Variants in WDR70 observed in about 807,000 individuals in gnomAD.
WDR70 encodes WD repeat domain 70.
A neutral mutation model predicts 88.6 loss-of-function variants in WDR70; 53 were observed. The ratio of observed to expected loss-of-function variants is 0.60; its 90% CI spans 0.48 to 0.75. The LOEUF (loss-of-function observed/expected upper bound fraction) is 0.75, where lower values mean the gene tolerates loss of function less well. Among genes scored for constraint, WDR70 ranks in the 30% least tolerant of loss-of-function variants. The pLI is 0.00. For synonymous variants in WDR70, 280 were observed against 270.0 expected (o/e 1.04, Z -0.36); for missense variants, 610 against 823.2 (o/e 0.74, Z 3.17).
At chr5:37,473,346 T>C (rs944924306) in intron 7 of WDR70, among the ~76,000 whole-genome samples, 1 of 138,108 alleles carries the variant, frequency 7.2e-6, no homozygotes, top group African/African-American at 2.5e-5. Context: ...TCATATTCTT[T>C]TTTTTTTTTT....
intron 9 of WDR70, among the ~76,000 whole-genome samples, chr5:37,551,642 C>T (rs1389930074): frequency 6.7e-6 from 1 of 150,230 alleles, no homozygotes; most frequent in African/African-American, 2.5e-5. Flanking sequence ...GCAGGAGAAT[C>T]GCTCGAACCC....
chr5:37,529,471 T>C (rs1741414446), intron 9 of WDR70, among the ~76,000 whole-genome samples: 1 of 152,182 alleles, frequency 6.6e-6, no homozygotes. Context: ...AGTGTTTCAA[T>C]TTGTTTGTGT....
chr5:37,577,813 C>T (rs1017841981), intron 9 of WDR70, among the ~76,000 whole-genome samples: 1 of 152,126 alleles, frequency 6.6e-6, no homozygotes, highest in African/African-American at 2.4e-5. Context: ...TAGCTGCCTG[C>T]AGGAAAACCA....
chr5:37,555,838 C>T (rs1051078047), intron 9 of WDR70, among the ~76,000 whole-genome samples: 9 of 152,134 alleles, frequency 5.9e-5, no homozygotes, highest in African/African-American at 1.9e-4. Flanking sequence ...CCTGCCTCAG[C>T]GTCCCGAGTA....
At chr5:37,527,815 A>G (rs532645949) in intron 9 of WDR70, among the ~76,000 whole-genome samples, 4 of 152,282 alleles carry the variant, frequency 2.6e-5, no homozygotes, top group Non-Finnish European at 5.9e-5. Context: ...AAAAGTGGGC[A>G]AAGGATATGA....
At chr5:37,693,466 C>T (rs1162167432) in intron 10 of WDR70, among the ~76,000 whole-genome samples, 2 of 151,900 alleles carry the variant, frequency 1.3e-5, no homozygotes, top group Admixed American at 1.3e-4. Context: ...AACTATAGTA[C>T]AAGGTTACAG....
chr5:37,682,134 A>G (rs185046842), intron 10 of WDR70, among the ~76,000 whole-genome samples: 16 of 152,122 alleles, frequency 1.1e-4, no homozygotes, highest in Admixed American at 7.9e-4. Flanking sequence ...TAGGGATTCA[A>G]TTTCTTCCTG....
intron 6 of WDR70, among the ~76,000 whole-genome samples, chr5:37,442,343 T>A (rs1197344164): frequency 1.1e-4 from 1 of 9,436 alleles, no homozygotes; most frequent in Admixed American, 8.3e-3. Context: ...GGCCTGCAAA[T>A]TTTTTTTTTT....
chr5:37,497,688 T>G (rs1398579428), intron 8 of WDR70, among the ~76,000 whole-genome samples: 1 of 152,166 alleles, frequency 6.6e-6, no homozygotes, highest in Admixed American at 6.5e-5. Context: ...TTAATTATTT[T>G]TTTTCTTAAG....
At chr5:37,508,026 T>C (rs1016889109) in intron 8 of WDR70, among the ~76,000 whole-genome samples, 4 of 152,162 alleles carry the variant, frequency 2.6e-5, no homozygotes, top group Non-Finnish European at 4.4e-5. Flanking sequence ...GTGAATGTGG[T>C]GGGGTCAGGT....
chr5:37,415,277 G>A (rs1451589495), intron 5 of WDR70, among the ~76,000 whole-genome samples: 8 of 151,576 alleles, frequency 5.3e-5, no homozygotes, highest in African/African-American at 1.7e-4. Flanking sequence ...ATCATGGCCC[G>A]TTCTCAATGA....
intron 10 of WDR70, among the ~76,000 whole-genome samples, chr5:37,672,526 T>TGAGATG (rs1424065188): frequency 6.6e-6 from 1 of 152,126 alleles, no homozygotes; most frequent in Non-Finnish European, 1.5e-5. Flanking sequence ...TTTGCTACAC[T>TGAGATG]GAGATGTTTG....
chr5:37,435,485 A>G (rs1357813185), intron 5 of WDR70, among the ~76,000 whole-genome samples: 1 of 152,196 alleles, frequency 6.6e-6, no homozygotes, highest in Admixed American at 6.5e-5. Context: ...GTGTTTGAAT[A>G]TTGATATCTC....
chr5:37,731,835 ATAAT>A (rs1009601874), intron 17 of WDR70, among the ~76,000 whole-genome samples: 3 of 152,176 alleles, frequency 2.0e-5, no homozygotes, highest in Non-Finnish European at 4.4e-5. Context: ...TTAGCAGTGT[ATAAT>A]TAGAAGGTGT....
At chr5:37,726,768 A>T in intron 16 of WDR70, 115 bp from the exon 17 acceptor site, 1 of 1,088,606 alleles carries the variant, frequency 9.2e-7, no homozygotes, top group African/African-American at 1.6e-5. Flanking sequence ...AGCTGAAAGG[A>T]TGAAATTTAA....
chr5:37,563,928 G>A (rs1200655133), intron 9 of WDR70, among the ~76,000 whole-genome samples: 5 of 141,968 alleles, frequency 3.5e-5, no homozygotes, highest in Non-Finnish European at 1.6e-5. Flanking sequence ...ATCCCAGACG[G>A]GGCGGCAGGG....
chr5:37,712,887 A>T (rs1217800151), intron 13 of WDR70, among the ~76,000 whole-genome samples: 1 of 151,836 alleles, frequency 6.6e-6, no homozygotes, highest in Non-Finnish European at 1.5e-5. Context: ...TTCTTAGTAG[A>T]AACAGGGTTT....
chr5:37,698,175 AT>A (rs991850026), intron 11 of WDR70, among the ~76,000 whole-genome samples: 7 of 152,066 alleles, frequency 4.6e-5, no homozygotes, highest in African/African-American at 1.4e-4. Flanking sequence ...TACTAACCCA[AT>A]TTAGTTTTTT....
intron 7 of WDR70, among the ~76,000 whole-genome samples, chr5:37,474,097 T>G (rs1170044177): frequency 2.0e-5 from 3 of 152,214 alleles, no homozygotes; most frequent in Admixed American, 2.0e-4. Context: ...TAAGGATTAC[T>G]TATAGGTATC....
Sources: gnomAD v4.1 joint callset for allele counts (sites outside exome capture counted in the v4.1 genomes callset) on GRCh38, gnomAD v4.1.1 for gene constraint, MANE v1.5 for transcripts, NCBI Gene and HGNC (gene_info 2026-07-23, HGNC 2026-07-21) for gene names.